Variants in GRIP1 observed in about 807,000 individuals in gnomAD.
The protein encoded by GRIP1 is glutamate receptor-interacting protein 1.
In GRIP1, 45 loss-of-function variants were observed where a neutral mutation model predicts 129.9. The ratio of observed to expected loss-of-function variants is 0.35; its 90% confidence interval spans 0.27 to 0.44. The LOEUF (loss-of-function observed/expected upper bound fraction) is 0.44. Ranked by LOEUF, GRIP1 falls within the 20% of genes least tolerant of loss-of-function variation. The probability of loss-of-function intolerance (pLI) is 1.00; values close to 1 mark genes in which losing one functional copy is unlikely to be tolerated. For missense variants in GRIP1, 1,196 were observed against 1,396.8 expected, an observed-to-expected ratio of 0.86 and a Z score of 2.29; for synonymous variants, 530 against 520.8, an observed-to-expected ratio of 1.02 and a Z score of -0.24.
chr12:66,786,085 A>C (rs1467970986), intron 1 of GRIP1, among the ~76,000 whole-genome samples: 4 of 152,168 alleles, frequency 2.6e-5, no homozygotes. Context: ...CCTGTCACAC[A>C]AAAAAATAAA....
intron 1 of GRIP1, among the ~76,000 whole-genome samples, chr12:66,837,525 A>C (rs971153700): frequency 1.3e-5 from 2 of 152,228 alleles, no homozygotes; most frequent in Non-Finnish European, 2.9e-5. Context: ...GTGTGCAGCA[A>C]AAGTGAAATG....
chr12:66,714,881 A>G, intron 1 of GRIP1, among the ~76,000 whole-genome samples: 1 of 115,250 alleles, frequency 8.7e-6, no homozygotes, highest in East Asian at 2.5e-4. Flanking sequence ...TATCCATTCA[A>G]TCCACCCATC....
At chr12:66,474,174 T>C (rs907966315) in intron 7 of GRIP1, among the ~76,000 whole-genome samples, 9 of 151,948 alleles carry the variant, frequency 5.9e-5, no homozygotes, top group African/African-American at 2.2e-4. Flanking sequence ...TTGAGAACTT[T>C]GTGAAGCATA....
chr12:66,880,118 G>A (rs899718027), intron 1 of GRIP1, among the ~76,000 whole-genome samples: 1 of 152,096 alleles, frequency 6.6e-6, no homozygotes, highest in African/African-American at 2.4e-5. Flanking sequence ...GATAGCTTGA[G>A]GTTCAGCAGA....
At chr12:66,415,230 A>G (rs998283294) in intron 15 of GRIP1, among the ~76,000 whole-genome samples, 3 of 152,176 alleles carry the variant, frequency 2.0e-5, no homozygotes, top group African/African-American at 7.2e-5. Context: ...TTCACAATCT[A>G]TCCATCTGAT....
At chr12:66,568,158 C>T in intron 2 of GRIP1, 1 of 278,348 alleles carries the variant, frequency 3.6e-6, no homozygotes, top group South Asian at 4.7e-5. Flanking sequence ...CCTTCTAAAA[C>T]TAGCTCTGTG....
intron 1 of GRIP1, among the ~76,000 whole-genome samples, chr12:66,625,001 CTT>C (rs11375282): frequency 1.4e-5 from 2 of 145,326 alleles, no homozygotes. Flanking sequence ...ATTTCAGTTC[CTT>C]TTTTTTTTTT....
At chr12:66,536,851 G>A (rs991774265) in intron 4 of GRIP1, among the ~76,000 whole-genome samples, 3 of 152,164 alleles carry the variant, frequency 2.0e-5, no homozygotes, top group Admixed American at 2.0e-4. Context: ...CTGAACAAAT[G>A]AATTCTACCA....
intron 10 of GRIP1, 32 bp from the exon 11 acceptor site, chr12:66,455,596 C>T (rs1318617975): frequency 1.9e-6 from 3 of 1,607,674 alleles, no homozygotes; most frequent in Non-Finnish European, 2.6e-6. Flanking sequence ...GCACAGAGCA[C>T]TCTCAGGTGA....
chr12:66,991,580 T>A (rs1215359883), intron 1 of GRIP1, among the ~76,000 whole-genome samples: 11 of 152,138 alleles, frequency 7.2e-5, no homozygotes, highest in Non-Finnish European at 1.6e-4. Flanking sequence ...AGTAAAAGAA[T>A]ACAAGAAAAC....
rs1375686337 is a variant in GRIP1 at position 66,847,649 on chromosome 12, TTTGA to T, written c.58+221397_58+221400del. ...TAGGTTTCAGGTAGACATGTTAAAA[TTTGA>T]TTGAGTCTTATAATAAAAATTTTCT... On this transcript the variant is annotated intron_variant, in intron 1 of 1. Transcript: ENST00000643019. Among the ~76,000 whole-genome samples, 4 of 152,226 alleles carry T rather than the reference TTTGA, an allele frequency of 2.6e-5. 1 individual carries two copies. The highest frequency in any genetic ancestry group is 2.1e-4 in the South Asian group (1 of 4,820).
chr12:66,738,306 G>A (rs781780874), intron 1 of GRIP1, among the ~76,000 whole-genome samples: 15 of 151,278 alleles, frequency 9.9e-5, no homozygotes, highest in African/African-American at 2.9e-4. Context: ...TGCAAGCTCC[G>A]CCTCTCGGGT....
intron 1 of GRIP1, among the ~76,000 whole-genome samples, chr12:66,787,031 T>G (rs967422971): frequency 4.6e-5 from 7 of 152,288 alleles, no homozygotes; most frequent in African/African-American, 1.7e-4. Context: ...CCAGCTGCTA[T>G]AAAGCTGTGA....
chr12:66,656,584 T>A (rs1157423345), intron 1 of GRIP1, among the ~76,000 whole-genome samples: 1 of 152,142 alleles, frequency 6.6e-6, no homozygotes, highest in Non-Finnish European at 1.5e-5. Flanking sequence ...TTTCACTGTA[T>A]CCTAGCTTCT....
At chr12:66,427,011 G>A (rs1057161830) in intron 14 of GRIP1, among the ~76,000 whole-genome samples, 11 of 152,178 alleles carry the variant, frequency 7.2e-5, no homozygotes, top group South Asian at 2.1e-4. Context: ...AGGGTACTTC[G>A]GAGTCGGAGA....
At chr12:67,031,876 C>A (rs2043027981) in intron 1 of GRIP1, among the ~76,000 whole-genome samples, 1 of 152,034 alleles carries the variant, frequency 6.6e-6, no homozygotes, top group East Asian at 1.9e-4. Context: ...CCATTTCCAA[C>A]TGCTTCCCAT....
chr12:66,427,659 C>T (rs953094563), intron 14 of GRIP1, among the ~76,000 whole-genome samples: 6 of 152,120 alleles, frequency 3.9e-5, no homozygotes, highest in Non-Finnish European at 7.4e-5. Context: ...ATGCTGACCA[C>T]CATTACATAG....
intron 1 of GRIP1, among the ~76,000 whole-genome samples, chr12:66,968,562 T>C (rs1446059110): frequency 6.6e-6 from 1 of 152,170 alleles, no homozygotes; most frequent in Non-Finnish European, 1.5e-5. Context: ...GTTTGCAATA[T>C]GCATTTTAAA....
At chr12:66,463,901 A>G (rs12172780) in intron 8 of GRIP1, among the ~76,000 whole-genome samples, 41,110 of 152,038 alleles carry the variant, frequency 0.27, 6,570 homozygotes, top group African/African-American at 0.44. Context: ...ACAGAGGGAG[A>G]AAATTAAAGC....
Sources: allele counts gnomAD v4.1 joint callset (sites outside exome capture counted in the v4.1 genomes callset), GRCh38; gene constraint gnomAD v4.1.1; transcripts MANE v1.5; gene names NCBI Gene and HGNC (gene_info 2026-07-23, HGNC 2026-07-21).